The following CSMD1 variants were observed in gnomAD, a reference collection of about 807,000 sequenced individuals.
The protein encoded by CSMD1 is CUB and Sushi multiple domains 1.
In CSMD1, 213 loss-of-function variants were observed where a neutral mutation model predicts 417.5. The ratio of observed to expected loss-of-function variants is 0.51; its 90% CI spans 0.46 to 0.57. CSMD1 has a LOEUF of 0.57. CSMD1 is among the 20% of genes least tolerant of loss of function. CSMD1 has a pLI of 0.00. For missense variants in CSMD1, 6,923 were observed against 4,529.7 expected, an observed-to-expected ratio of 1.53 and a Z score of -15.17; for synonymous variants, 2,862 against 1,736.8, an observed-to-expected ratio of 1.65 and a Z score of -16.11.
chr8:4,606,705 T>C (rs1800887411), intron 2 of CSMD1, among the ~76,000 whole-genome samples: 1 of 152,226 alleles, frequency 6.6e-6, no homozygotes, highest in Non-Finnish European at 1.5e-5. Flanking sequence ...GTATTATTGA[T>C]CTATCCTCCA....
intron 2 of CSMD1, among the ~76,000 whole-genome samples, chr8:4,430,821 G>A (rs1349366957): frequency 6.6e-6 from 1 of 152,068 alleles, no homozygotes; most frequent in East Asian, 1.9e-4. Flanking sequence ...CCTGTCAATT[G>A]TCACTGCAAA....
intron 8 of CSMD1, among the ~76,000 whole-genome samples, chr8:3,599,998 A>G (rs537095939): frequency 6.6e-6 from 1 of 152,270 alleles, no homozygotes; most frequent in Admixed American, 6.5e-5. Context: ...CATCATTGTG[A>G]GGGCAGGGAA....
intron 4 of CSMD1, among the ~76,000 whole-genome samples, chr8:4,017,106 C>G (rs749484197): frequency 1.8e-4 from 28 of 152,200 alleles, no homozygotes; most frequent in Non-Finnish European, 3.8e-4. Context: ...GGTGTTCAGC[C>G]AGCCTTGCTG....
intron 1 of CSMD1, among the ~76,000 whole-genome samples, chr8:4,779,750 T>G (rs930862932): frequency 2.0e-5 from 3 of 152,138 alleles, no homozygotes; most frequent in African/African-American, 2.4e-5. Context: ...AAATAAATCC[T>G]GCTAATTGCG....
chr8:4,986,225 G>T (rs1391147551), intron 1 of CSMD1, among the ~76,000 whole-genome samples: 1 of 152,140 alleles, frequency 6.6e-6, no homozygotes, highest in Non-Finnish European at 1.5e-5. Flanking sequence ...TACTCAGAGC[G>T]CCGCCAGGAA....
chr8:4,538,191 AT>A (rs5889045), intron 2 of CSMD1, among the ~76,000 whole-genome samples: 8,091 of 144,808 alleles, frequency 0.056, 213 homozygotes, highest in Middle Eastern at 0.09. Context: ...AGGTGGCTAC[AT>A]TTTTTTTTTT....
chr8:4,964,204 G>C (rs1809696185), intron 1 of CSMD1, among the ~76,000 whole-genome samples: 1 of 151,958 alleles, frequency 6.6e-6, no homozygotes, highest in Non-Finnish European at 1.5e-5. Flanking sequence ...ATACATTTTA[G>C]AGCAAAATGA....
At chr8:3,818,964 A>G (rs1169238784) in intron 5 of CSMD1, among the ~76,000 whole-genome samples, 3 of 152,188 alleles carry the variant, frequency 2.0e-5, no homozygotes, top group African/African-American at 7.2e-5. Flanking sequence ...TTGGTAGTTG[A>G]CAAACTTCAA....
intron 1 of CSMD1, among the ~76,000 whole-genome samples, chr8:4,809,200 C>A (rs989764789): frequency 1.3e-5 from 2 of 152,210 alleles, no homozygotes; most frequent in African/African-American, 4.8e-5. Context: ...TCTGAATTCA[C>A]TGATATTATT....
chr8:4,487,144 T>C (rs1801454703), intron 2 of CSMD1, among the ~76,000 whole-genome samples: 2 of 152,228 alleles, frequency 1.3e-5, no homozygotes, highest in East Asian at 1.9e-4. Flanking sequence ...TTTCAAGCAA[T>C]GTGTAATAAT....
At chr8:3,288,369 G>T (rs1803306785) in intron 25 of CSMD1, among the ~76,000 whole-genome samples, 1 of 147,194 alleles carries the variant, frequency 6.8e-6, no homozygotes, top group African/African-American at 2.7e-5. Flanking sequence ...GTTTCAGAAG[G>T]AATGGTACCA....
At chr8:4,050,294 G>C (rs781373774) in intron 3 of CSMD1, among the ~76,000 whole-genome samples, 5 of 152,140 alleles carry the variant, frequency 3.3e-5, no homozygotes, top group Admixed American at 2.0e-4. Context: ...GGAACTATGA[G>C]CAGCAGAACT....
Position 3,301,244 on chromosome 8 carries a change from C to G in CSMD1, c.3950+6451G>C, listed in dbSNP as rs1171197087. Among the ~76,000 whole-genome samples the G allele has an allele frequency of 2.0e-5, 3 of 151,912 alleles. No individual in the cohort carries two copies. The South Asian group carries it at 6.3e-4, about 32-fold the overall frequency. On this transcript the variant is annotated intron_variant, in intron 25 of 69. Transcript: ENST00000635120. ...GGTAGGAGCAGTGGGTGCAAGGCAGCGTTTGCAGGGTGGTCAGTGGAAACC... is the reference window on the plus strand; with the variant it reads ...GGTAGGAGCAGTGGGTGCAAGGCAGGGTTTGCAGGGTGGTCAGTGGAAACC...
In CSMD1 at chr8:4,575,478, G is replaced by A. The variant is rs555338858; in HGVS notation, c.302+61864C>T. ...TCATTAATTTCTCTGAACGTTATCT[G>A]AAGAAAAGGAATAATGCAGGTATCC... is the stretch of plus-strand genomic sequence containing the variant. On this transcript the variant is annotated intron_variant, in intron 2 of 69. Transcript: ENST00000635120. Among the ~76,000 whole-genome samples, 21 of 152,258 alleles carry A rather than the reference G, an allele frequency of 1.4e-4. 1 individual carries two copies. Among genetic ancestry groups the A allele is most frequent in the African/African-American group, 4.3e-4 (18 of 41,558 alleles).
chr8:4,450,345 T>G (rs563918185), intron 2 of CSMD1, among the ~76,000 whole-genome samples: 1 of 152,238 alleles, frequency 6.6e-6, no homozygotes, highest in East Asian at 1.9e-4. Context: ...AGATATTTAG[T>G]AGCCGGGTGT....
chr8:4,770,130 C>A lies in CSMD1; in HGVS notation c.86-132572G>T, dbSNP rs1275597885. Among the ~76,000 whole-genome samples, 3 of 151,158 alleles carry A rather than the reference C, an allele frequency of 2.0e-5. No individual in the cohort carries two copies. The East Asian group carries it at 5.8e-4, about 29-fold the overall frequency. ...AAATACTTAACGTTGTTACAATACC[C>A]ATAGTACCAGAAGCAACATACAGAT... On this transcript the variant is annotated intron_variant, in intron 1 of 69. Coordinates refer to ENST00000635120, the MANE Select transcript of CSMD1 (RefSeq NM_033225.6).
intron 1 of CSMD1, among the ~76,000 whole-genome samples, chr8:4,880,879 T>C (rs929095889): frequency 2.0e-5 from 3 of 152,158 alleles, no homozygotes; most frequent in Non-Finnish European, 4.4e-5. Context: ...ATTCATGCTT[T>C]ATAGAAAGAG....
chr8:3,279,118 G>C (rs1802534038), intron 26 of CSMD1: 1 of 152,224 alleles, frequency 6.6e-6, no homozygotes, highest in Non-Finnish European at 1.5e-5. Flanking sequence ...TGAATGACTG[G>C]CTTTGGGGTG....
intron 2 of CSMD1, among the ~76,000 whole-genome samples, chr8:4,460,343 G>C (rs1166876605): frequency 6.6e-6 from 1 of 152,034 alleles, no homozygotes; most frequent in African/African-American, 2.4e-5. Flanking sequence ...GAATTGCATA[G>C]AGGGAAATTT....
Sources: gnomAD v4.1 joint callset for allele counts (sites outside exome capture counted in the v4.1 genomes callset) on GRCh38, gnomAD v4.1.1 for gene constraint, MANE v1.5 for transcripts, NCBI Gene and HGNC (gene_info 2026-07-23, HGNC 2026-07-21) for gene names.